Variants in DYNC1I2 observed in about 807,000 individuals in gnomAD.
The protein encoded by DYNC1I2 is cytoplasmic dynein 1 intermediate chain 2.
DYNC1I2 carries 53 observed loss-of-function variants against 88.6 expected under a neutral mutation model. That is an observed-to-expected ratio of 0.60 (90% CI 0.48 to 0.75). The LOEUF (loss-of-function observed/expected upper bound fraction) is 0.75, where lower values mean the gene tolerates loss of function less well. Ranked by LOEUF, DYNC1I2 falls within the 30% of genes least tolerant of loss-of-function variation. DYNC1I2 has a pLI of 0.00. For synonymous variants in DYNC1I2, 198 were observed against 254.6 expected, an observed-to-expected ratio of 0.78 and a Z score of 2.12; for missense variants, 458 against 766.6, an observed-to-expected ratio of 0.60 and a Z score of 4.75.
At chr2:171,723,259 T>A (rs935019585) in intron 7 of DYNC1I2, among the ~76,000 whole-genome samples, 3 of 152,154 alleles carry the variant, frequency 2.0e-5, no homozygotes, top group Non-Finnish European at 2.9e-5. Context: ...AGGCTGTAAT[T>A]TATAATTCAT....
At chr2:171,743,357 G>A (rs1385895709) in intron 15 of DYNC1I2, among the ~76,000 whole-genome samples, 2 of 152,108 alleles carry the variant, frequency 1.3e-5, no homozygotes, top group Non-Finnish European at 2.9e-5. Context: ...AAGAAAATAT[G>A]AGTATAAGTG....
Position 171,728,313 on chromosome 2 carries a change from A to G in DYNC1I2, c.1152A>G (p.Val384=). 6.3e-7 allele frequency: 1 copy of G among 1,589,166 alleles called. No individual in the cohort carries two copies. The highest frequency in any genetic ancestry group is 2.3e-5 in the East Asian group (1 of 44,420). ...TTTTTTAATATCTCTAGCACCCTGT[A>G]TATTGTGTAAATGTTGTTGGAACAC... The part of the protein sequence containing the change: ...PLSAAAHTHP[V]YCVNVVGTQN... Residue 384 remains valine, a synonymous_variant, in exon 13 of 18, where the codon GTA becomes GTG. Transcript: ENST00000397119.
chr2:171,731,783 G>T (rs930604111), intron 15 of DYNC1I2, among the ~76,000 whole-genome samples: 1 of 135,064 alleles, frequency 7.4e-6, no homozygotes, highest in East Asian at 2.5e-4. Context: ...GCTCTGACCA[G>T]CTGTGACCTT....
intron 3 of DYNC1I2, among the ~76,000 whole-genome samples, chr2:171,701,194 C>CT (rs981104296): frequency 4.0e-5 from 6 of 151,850 alleles, no homozygotes; most frequent in East Asian, 1.9e-4. Context: ...TGCTATTTTT[C>CT]TTTTTTTTGG....
At chr2:171,705,653 A>G (rs904644003) in intron 3 of DYNC1I2, among the ~76,000 whole-genome samples, 45 of 152,080 alleles carry the variant, frequency 3.0e-4, no homozygotes, top group Admixed American at 9.2e-4. Context: ...AAAGATGGAC[A>G]AAAAATGAAG....
In DYNC1I2 at chr2:171,744,112, C is replaced by G. The variant is rs779747662; in HGVS notation, c.1600C>G (p.Pro534Ala). ...CTATGTTTATGATGTTATGTGGTCA[C>G]CTACCCACCCAGCCCTGTTTGCCTG... Reference protein sequence around the residue: ...ADYVYDVMWSPTHPALFACVD... With the variant: ...ADYVYDVMWSATHPALFACVD... Residue 534 changes from proline (P) to alanine (A), a missense_variant, in exon 16 of 18, where the codon CCT becomes GCT. Around this residue, in one of 5 missense-constraint regions of DYNC1I2, gnomAD observed 188 missense variants for 300.4 expected, o/e 0.63. Transcript: ENST00000397119. 2 of 1,613,170 alleles carry G rather than the reference C, an allele frequency of 1.2e-6. No individual in the cohort carries two copies. The highest frequency in any genetic ancestry group is 2.7e-5 in the African/African-American group (2 of 74,886).
chr2:171,730,514 C>T (rs1030337115), intron 15 of DYNC1I2, among the ~76,000 whole-genome samples: 1 of 152,088 alleles, frequency 6.6e-6, no homozygotes, highest in East Asian at 1.9e-4. Flanking sequence ...ATTGTCTTGA[C>T]CTGTTGAAAG....
chr2:171,710,466 G>A (rs1687035012), intron 5 of DYNC1I2, among the ~76,000 whole-genome samples: 2 of 151,746 alleles, frequency 1.3e-5, no homozygotes, highest in Admixed American at 1.3e-4. Context: ...AATACACTCA[G>A]GGAGTAGGAA....
At position 171,726,822 on chromosome 2, in the gene DYNC1I2, A is replaced by T. The variant is rs745778537; in HGVS notation, c.902A>T (p.Asn301Ile). ...GAGTTACTCGTGGCTTCCTATAACA[A>T]CAATGAAGATGCCCCTCATGAGCCT... is the stretch of plus-strand genomic sequence containing the variant. The part of the protein sequence containing the change: ...YPELLVASYN[N>I]NEDAPHEPDG... The change falls in exon 11 of 18, where the codon AAC becomes ATC. Residue 301 changes from asparagine (N) to isoleucine (I), a missense_variant. Physicochemically the swap from Asn to Ile is moderately radical, Grantham distance 149. Around this residue, in one of 5 missense-constraint regions of DYNC1I2, gnomAD observed 203 missense variants for 354.2 expected, o/e 0.57. Transcript: ENST00000397119. The T allele has an allele frequency of 6.2e-7, 1 of 1,613,206 alleles. No individual in the cohort carries two copies. The highest frequency in any genetic ancestry group is 1.7e-5 in the Admixed American group (1 of 59,978).
Position 171,710,122 on chromosome 2 carries a change from TACACACACACACAC to T in DYNC1I2, c.336-2615_336-2602del, listed in dbSNP as rs55862813. Among the ~76,000 whole-genome samples the T allele has an allele frequency of 5.0e-3, 717 of 144,436 alleles. 7 individuals carry two copies. The highest frequency in any genetic ancestry group is 0.03 in the East Asian group (146 of 4,888). The allele number at this position is 144,436 out of a possible 152,430, so 94.8% of individuals were successfully genotyped here. On this transcript the variant is annotated intron_variant, in intron 5 of 17. Coordinates refer to ENST00000397119, the MANE Select transcript of DYNC1I2 (RefSeq NM_001378.3). Reference sequence around the variant, plus strand: ...GAGTATATTCATTTTTATGTATATATACACACACACACACACACACACACACACACACACACACA... The same window carrying T: ...GAGTATATTCATTTTTATGTATATATACACACACACACACACACACACACA...
chr2:171,712,976 A>G, intron 6 of DYNC1I2, 150 bp downstream of exon 6: 1 of 660,878 alleles, frequency 1.5e-6, no homozygotes, highest in Non-Finnish European at 2.6e-6. Flanking sequence ...TTTATCCAGT[A>G]TCTTTAGTGA....
At chr2:171,696,683 C>G (rs1381837344) in intron 3 of DYNC1I2, among the ~76,000 whole-genome samples, 3 of 152,090 alleles carry the variant, frequency 2.0e-5, no homozygotes, top group Non-Finnish European at 2.9e-5. Context: ...ATTTGTTAGT[C>G]TATCTTTTCC....
rs1374445706 is a variant in DYNC1I2, at chr2:171,727,882, A to G, written c.1058A>G (p.Tyr353Cys). ...CCAAATCTTGTTGTTGGTGGTACAT[A>G]TTCAGGCCAAATTGTGCTTTGGGAT... ...FHPNLVVGGT[Y>C]SGQIVLWDNR... The change falls in exon 12 of 18, where the codon TAT becomes TGT. Residue 353 changes from tyrosine (Y) to cysteine (C), a missense_variant. Tyr to Cys is a radical substitution (Grantham distance 194, BLOSUM62 -2). Transcript: ENST00000397119. 4 of 1,613,276 alleles carry G rather than the reference A, an allele frequency of 2.5e-6. No homozygotes were observed. The highest frequency in any genetic ancestry group is 1.7e-5 in the Admixed American group (1 of 59,964).
intron 3 of DYNC1I2, among the ~76,000 whole-genome samples, chr2:171,697,784 C>T (rs554329047): frequency 1.8e-4 from 28 of 151,708 alleles, no homozygotes; most frequent in African/African-American, 6.8e-4. Context: ...ATTGAGTTTG[C>T]AAGGTCAAGG....
intron 7 of DYNC1I2, among the ~76,000 whole-genome samples, chr2:171,719,213 A>T (rs113881310): frequency 1.8e-3 from 14 of 7,820 alleles, no homozygotes; most frequent in Non-Finnish European, 0.015. Context: ...GCTATCCTTA[A>T]CCCTTTGGAA....
At chr2:171,697,213 G>T (rs538532129) in intron 3 of DYNC1I2, among the ~76,000 whole-genome samples, 1 of 151,854 alleles carries the variant, frequency 6.6e-6, no homozygotes, top group Admixed American at 6.6e-5. Context: ...TAGAGATGGG[G>T]TCTCACTATG....
chr2:171,744,936 C>T (rs1466476739), intron 16 of DYNC1I2, among the ~76,000 whole-genome samples: 1 of 152,138 alleles, frequency 6.6e-6, no homozygotes, highest in Non-Finnish European at 1.5e-5. Context: ...TCCTAGTTAG[C>T]TAGAATGGTA....
At chr2:171,711,353 G>C (rs894333060) in intron 5 of DYNC1I2, among the ~76,000 whole-genome samples, 18 of 152,184 alleles carry the variant, frequency 1.2e-4, no homozygotes, top group African/African-American at 3.9e-4. Flanking sequence ...ACTTGGAATT[G>C]TACTCTATGT....
intron 3 of DYNC1I2, among the ~76,000 whole-genome samples, chr2:171,695,040 C>T (rs1268765282): frequency 2.0e-5 from 3 of 152,084 alleles, no homozygotes; most frequent in Non-Finnish European, 2.9e-5. Context: ...TAATTCCATT[C>T]TCATTCCCAC....
Sources: allele counts gnomAD v4.1 joint callset (sites outside exome capture counted in the v4.1 genomes callset), GRCh38; gene constraint gnomAD v4.1.1; regional missense constraint gnomAD v4.1.1; transcripts MANE v1.5; gene names NCBI Gene and HGNC (gene_info 2026-07-23, HGNC 2026-07-21).